The following ZNF678 variants were observed in gnomAD, a reference collection of about 807,000 sequenced individuals.
ZNF678 encodes the protein zinc finger protein 678.
A neutral mutation model predicts 3.0 loss-of-function variants in ZNF678; 5 were observed. The ratio of observed to expected loss-of-function variants is 1.69; its 90% confidence interval spans 0.88 to 3.56. ZNF678 has a LOEUF of 3.56. Ranked by LOEUF, ZNF678 falls within the 30% of genes most tolerant of loss-of-function variation. The pLI is 0.00. For missense variants in ZNF678, 593 were observed against 605.0 expected (o/e 0.98, Z 0.21); for synonymous variants, 218 against 199.6 (o/e 1.09, Z -0.78).
intron 1 of ZNF678, among the ~76,000 whole-genome samples, chr1:227,632,503 G>A (rs568894849): frequency 3.5e-4 from 53 of 152,146 alleles, no homozygotes; most frequent in African/African-American, 1.3e-3. Context: ...CTGTGAGTTC[G>A]GGACAACAGC....
At chr1:227,634,412 G>A (rs1213451335) in intron 1 of ZNF678, among the ~76,000 whole-genome samples, 3 of 152,154 alleles carry the variant, frequency 2.0e-5, no homozygotes, top group African/African-American at 7.2e-5. Context: ...ATAGCACCAA[G>A]TGAGCTTTTG....
In ZNF678 at chr1:227,638,813, G is replaced by A. The variant is rs1420217251; in HGVS notation, c.-163-7731G>A. Among the ~76,000 whole-genome samples, 1 of 152,116 alleles carries A rather than the reference G, an allele frequency of 6.6e-6. No homozygotes were observed. Among genetic ancestry groups the A allele is most frequent in the Admixed American group, 6.5e-5 (1 of 15,278 alleles). ...GTGTAGGGAGCAGAAGAGTGGAGCAGGGGCTTGGGGTTTGGAGAGTTGTCC... is the reference window on the plus strand; with the variant it reads ...GTGTAGGGAGCAGAAGAGTGGAGCAAGGGCTTGGGGTTTGGAGAGTTGTCC... On this transcript the variant is annotated intron_variant, in intron 1 of 3. Transcript: ENST00000343776. The surrounding 1 kb of genome is among the most constrained non-coding windows in gnomAD (Gnocchi z 4.2).
At chr1:227,675,638 A>AT (rs528969774) in intron 5 of ZNF678, among the ~76,000 whole-genome samples, 3,600 of 147,396 alleles carry the variant, frequency 0.024, 95 homozygotes, top group African/African-American at 0.064. Flanking sequence ...CTTAAAATAC[A>AT]TTTTTTTTTT....
downstream of ZNF678, among the ~76,000 whole-genome samples, chr1:227,666,047 G>A (rs952690379): frequency 1.3e-5 from 2 of 152,148 alleles, no homozygotes; most frequent in African/African-American, 4.8e-5. Flanking sequence ...CTAAGAATTT[G>A]TGGTAAAGAA....
At chr1:227,652,302 A>G (rs1659110503) in intron 3 of ZNF678, among the ~76,000 whole-genome samples, 1 of 152,102 alleles carries the variant, frequency 6.6e-6, no homozygotes, top group South Asian at 2.1e-4. Flanking sequence ...TTTGCATGGA[A>G]TCTTCTTTCT....
intron 1 of ZNF678, among the ~76,000 whole-genome samples, chr1:227,628,935 A>C (rs1658484585): frequency 6.6e-6 from 1 of 152,232 alleles, no homozygotes; most frequent in African/African-American, 2.4e-5. Context: ...ATGCAGAAAA[A>C]GGCAACCTTA....
intron 1 of ZNF678, among the ~76,000 whole-genome samples, chr1:227,592,162 G>A (rs1296104979): frequency 6.6e-6 from 1 of 152,170 alleles, no homozygotes; most frequent in African/African-American, 2.4e-5. Context: ...AAGGTGGCGG[G>A]GTTTAGGGTG....
At chr1:227,566,043 G>C (rs1387174248) in intron 1 of ZNF678, among the ~76,000 whole-genome samples, 2 of 152,122 alleles carry the variant, frequency 1.3e-5, no homozygotes, top group Admixed American at 1.3e-4. Flanking sequence ...TTACAGGCGT[G>C]AGCCACCGCG....
chr1:227,661,301 TG>T lies in ZNF678; in HGVS notation c.*5474del, dbSNP rs1168639364. 8.0e-5 allele frequency: 4 copies of T among 49,850 alleles called. No homozygotes were observed. The highest frequency in any genetic ancestry group is 3.1e-4 in the Admixed American group (1 of 3,236). The allele number at this position is 49,850 out of a possible 1,614,324, so 3.1% of individuals were successfully genotyped here. A position where few individuals can be genotyped will look rare whatever the true frequency, so the allele number is the denominator to read the frequency against. ...TTGTTGTTTTGTTTTGTTTTGTTTT[TG>T]TTGTTGTTGTTGTTGTTGTTTACCA... is the stretch of plus-strand genomic sequence containing the variant. On this transcript the variant is annotated 3_prime_UTR_variant, in exon 4 of 4. Transcript: ENST00000343776.
At chr1:227,590,490 G>C (rs2088214) in intron 1 of ZNF678, among the ~76,000 whole-genome samples, 68,571 of 151,462 alleles carry the variant, frequency 0.45, 16,929 homozygotes, top group African/African-American at 0.61. Flanking sequence ...AATGGGGGTT[G>C]GGTATCCCCA....
chr1:227,620,968 TC>T (rs1658266984), intron 1 of ZNF678, among the ~76,000 whole-genome samples: 2 of 152,168 alleles, frequency 1.3e-5, no homozygotes, highest in African/African-American at 4.8e-5. Context: ...TTAAAAAGTT[TC>T]TTGCCAGGTG....
chr1:227,675,720 G>T (rs969263211), intron 5 of ZNF678, among the ~76,000 whole-genome samples: 2 of 151,816 alleles, frequency 1.3e-5, no homozygotes, highest in Non-Finnish European at 2.9e-5. Flanking sequence ...ATCCTGGGGG[G>T]GTGGGGAAAG....
At chr1:227,648,867 A>G (rs1301499413) in intron 2 of ZNF678, among the ~76,000 whole-genome samples, 1 of 152,004 alleles carries the variant, frequency 6.6e-6, no homozygotes, top group East Asian at 1.9e-4. Context: ...CACCTTCCCA[A>G]TTTATTAACT....
At chr1:227,583,070 C>CA (rs994412975) in intron 1 of ZNF678, among the ~76,000 whole-genome samples, 51 of 152,108 alleles carry the variant, frequency 3.4e-4, no homozygotes, top group African/African-American at 1.2e-3. Context: ...GATTTTTAAA[C>CA]ACTTGTTTTT....
intron 1 of ZNF678, among the ~76,000 whole-genome samples, chr1:227,580,592 G>C (rs1657100928): frequency 6.6e-6 from 1 of 152,090 alleles, no homozygotes; most frequent in South Asian, 2.1e-4. Context: ...AGGAATGAAA[G>C]TACATGATAA....
At chr1:227,615,015 C>G (rs1214263364) in intron 1 of ZNF678, among the ~76,000 whole-genome samples, 1 of 152,236 alleles carries the variant, frequency 6.6e-6, no homozygotes. Flanking sequence ...GGCAAGAGCT[C>G]TGCTCCACAG....
chr1:227,591,234 A>G (rs779428787), intron 1 of ZNF678, among the ~76,000 whole-genome samples: 24 of 148,786 alleles, frequency 1.6e-4, no homozygotes, highest in African/African-American at 2.3e-4. Flanking sequence ...GTCCAGCTCT[A>G]TCAATTTTTA....
intron 1 of ZNF678, among the ~76,000 whole-genome samples, chr1:227,635,797 G>T (rs1253995239): frequency 6.6e-6 from 1 of 152,106 alleles, no homozygotes; most frequent in African/African-American, 2.4e-5. Flanking sequence ...GGCACATGCT[G>T]CTGGTGCAGG....
chr1:227,623,713 AG>A (rs1658337035), intron 1 of ZNF678, among the ~76,000 whole-genome samples: 1 of 152,200 alleles, frequency 6.6e-6, no homozygotes. Flanking sequence ...TAACTTTTGT[AG>A]TACAGAAATG....
Sources: allele counts gnomAD v4.1 joint callset (sites outside exome capture counted in the v4.1 genomes callset), GRCh38; gene constraint gnomAD v4.1.1; non-coding constraint Gnocchi (gnomAD v3.1); transcripts MANE v1.5; gene names NCBI Gene and HGNC (gene_info 2026-07-23, HGNC 2026-07-21).